The following DNAJC8 variants were observed in gnomAD, a reference collection of about 807,000 sequenced individuals.
DNAJC8 encodes the protein dnaJ homolog subfamily C member 8.
Under a neutral mutation model 43.2 loss-of-function variants are expected in DNAJC8, and 24 were observed. The ratio of observed to expected loss-of-function variants is 0.56; its 90% CI spans 0.40 to 0.78. The LOEUF (loss-of-function observed/expected upper bound fraction) is 0.78. Ranked by LOEUF, DNAJC8 falls within the 30% of genes least tolerant of loss-of-function variation. The pLI is 0.00. For missense variants in DNAJC8, 207 were observed against 299.4 expected (o/e 0.69, Z 2.28); for synonymous variants, 83 against 98.0 (o/e 0.85, Z 0.90).
At chr1:28,207,654 G>A (rs1039777006) in intron 6 of DNAJC8, among the ~76,000 whole-genome samples, 24 of 150,598 alleles carry the variant, frequency 1.6e-4, no homozygotes, top group Middle Eastern at 6.8e-3. Context: ...ATGTTGGCCC[G>A]GATGGTCTCG....
chr1:28,204,562 T>C (rs551946900), intron 7 of DNAJC8, among the ~76,000 whole-genome samples: 89 of 152,162 alleles, frequency 5.8e-4, no homozygotes, highest in African/African-American at 2.1e-3. Flanking sequence ...AGAAATCATA[T>C]TTTAGAACAT....
chr1:28,227,485 G>A (rs1646944724), intron 2 of DNAJC8, among the ~76,000 whole-genome samples: 1 of 150,876 alleles, frequency 6.6e-6, no homozygotes, highest in Non-Finnish European at 1.5e-5. Flanking sequence ...CTAGCACTAT[G>A]GGAGCCCAAG....
At chr1:28,227,534 G>A (rs1646945092) in intron 2 of DNAJC8, among the ~76,000 whole-genome samples, 1 of 151,838 alleles carries the variant, frequency 6.6e-6, no homozygotes, top group Admixed American at 6.6e-5. Flanking sequence ...CAAGGGTGCA[G>A]TAAGCCATGA....
At chr1:28,231,634 G>C (rs1646975610) in intron 1 of DNAJC8, among the ~76,000 whole-genome samples, 1 of 151,798 alleles carries the variant, frequency 6.6e-6, no homozygotes, top group African/African-American at 2.4e-5. Context: ...AGAATCACTT[G>C]AACCAGGGAG....
At chr1:28,213,198 C>T (rs12402284) in intron 3 of DNAJC8, among the ~76,000 whole-genome samples, 28,860 of 152,094 alleles carry the variant, frequency 0.19, 3,202 homozygotes, top group Non-Finnish European at 0.25. Context: ...CTCCAATATG[C>T]ACACTCTTAA....
intron 4 of DNAJC8, 186 bp downstream of exon 4, chr1:28,210,385 A>G (rs1557707226): frequency 5.1e-6 from 3 of 588,844 alleles, no homozygotes; most frequent in East Asian, 2.8e-5. Context: ...TTAACAAAGC[A>G]AAGTTAAGGT....
chr1:28,202,429 G>A (rs1057020447), intron 8 of DNAJC8, among the ~76,000 whole-genome samples: 5 of 151,552 alleles, frequency 3.3e-5, no homozygotes, highest in African/African-American at 9.7e-5. Flanking sequence ...AAAGGGGCCC[G>A]CCACCACGCC....
Position 28,205,360 on chromosome 1 carries a change from A to T in DNAJC8, c.472-11T>A, listed in dbSNP as rs756723769. On this transcript the variant is annotated splice_polypyrimidine_tract_variant and intron_variant, in intron 6 of 8. Coordinates refer to ENST00000263697, the MANE Select transcript of DNAJC8 (RefSeq NM_014280.3). ...TACAGCTTGTTTGAACTACAGGAAA[A>T]TCAAGAACAAAAGAAAATCAGAGTA... is the stretch of plus-strand genomic sequence containing the variant. 6.9e-6 allele frequency: 11 copies of T among 1,588,830 alleles called. No homozygotes were observed. The African/African-American group carries it at 1.2e-4, about 18-fold the overall frequency.
chr1:28,216,280 A>C (rs1646854105), intron 2 of DNAJC8, among the ~76,000 whole-genome samples: 1 of 152,194 alleles, frequency 6.6e-6, no homozygotes, highest in Non-Finnish European at 1.5e-5. Flanking sequence ...GGAGAAAGGA[A>C]CTGGGAAAGT....
chr1:28,225,490 A>G (rs1646927780), intron 2 of DNAJC8, among the ~76,000 whole-genome samples: 1 of 151,298 alleles, frequency 6.6e-6, no homozygotes, highest in South Asian at 2.1e-4. Context: ...CATTCCACTT[A>G]CACGGGTTTC....
In DNAJC8 at chr1:28,200,783, G is replaced by A. The variant is rs1646728699; in HGVS notation, c.*465C>T. ...TCACAAGTGTTCCCTGTCTTATCTGGGCCTTCGAAGGGAGCACACCCAGAA... is the reference window on the plus strand; with the variant it reads ...TCACAAGTGTTCCCTGTCTTATCTGAGCCTTCGAAGGGAGCACACCCAGAA... On this transcript the variant is annotated 3_prime_UTR_variant, in exon 9 of 9. Transcript: ENST00000263697. 2.5e-6 allele frequency: 1 copy of A among 406,930 alleles called. No homozygotes were observed. The highest frequency in any genetic ancestry group is 4.9e-6 in the Non-Finnish European group (1 of 205,016). The allele number at this position is 406,930 out of a possible 1,614,324, so 25.2% of individuals were successfully genotyped here. A position where few individuals can be genotyped will look rare whatever the true frequency, so the allele number is the denominator to read the frequency against.
intron 3 of DNAJC8, among the ~76,000 whole-genome samples, chr1:28,212,187 ATATATATATATATATATATATATATAT>A (rs1646817318): frequency 9.7e-6 from 1 of 102,664 alleles, no homozygotes; most frequent in Admixed American, 9.6e-5. Context: ...ATATATATAT[ATATATATATATATATATATATATATAT>A]AAATGAAATT....
At chr1:28,202,220 T>C (rs1016042847) in intron 8 of DNAJC8, among the ~76,000 whole-genome samples, 3 of 152,204 alleles carry the variant, frequency 2.0e-5, no homozygotes, top group South Asian at 2.1e-4. Flanking sequence ...ATCACAACAC[T>C]GAGGCCCCAT....
intron 2 of DNAJC8, among the ~76,000 whole-genome samples, chr1:28,225,705 A>ATT (rs199980896): frequency 0.31 from 42,564 of 137,392 alleles, 8,042 homozygotes; most frequent in African/African-American, 0.48. Flanking sequence ...TTAAATGGTA[A>ATT]TTTTTTTTTT....
At chr1:28,217,806 A>G (rs138541118) in intron 2 of DNAJC8, among the ~76,000 whole-genome samples, 3 of 152,148 alleles carry the variant, frequency 2.0e-5, no homozygotes, top group African/African-American at 4.8e-5. Context: ...TGTAATTCAT[A>G]AACCCTGATT....
At position 28,225,743 on chromosome 1, in the gene DNAJC8, C is replaced by A. The variant is rs528148126; in HGVS notation, c.180+3179G>T. ...TTTTTGAGACAGTCTCGTTCTGTCGCCCAGGCTGGAGTACAGTAGCACAAT... is the reference window on the plus strand; with the variant it reads ...TTTTTGAGACAGTCTCGTTCTGTCGACCAGGCTGGAGTACAGTAGCACAAT... On this transcript the variant is annotated intron_variant, in intron 2 of 8. Coordinates refer to ENST00000263697, the MANE Select transcript of DNAJC8 (RefSeq NM_014280.3). Among the ~76,000 whole-genome samples the A allele has an allele frequency of 1.2e-3, 174 of 146,830 alleles. 2 individuals are homozygous for A. The highest frequency in any genetic ancestry group is 4.1e-3 in the African/African-American group (161 of 39,450).
At chr1:28,220,127 AAGG>A (rs1646889108) in intron 2 of DNAJC8, among the ~76,000 whole-genome samples, 1 of 152,246 alleles carries the variant, frequency 6.6e-6, no homozygotes, top group South Asian at 2.1e-4. Context: ...ATTGGGCAAA[AAGG>A]AGGAGAGTAT....
intron 2 of DNAJC8, among the ~76,000 whole-genome samples, chr1:28,220,180 T>C (rs940888216): frequency 6.6e-6 from 1 of 152,226 alleles, no homozygotes; most frequent in Non-Finnish European, 1.5e-5. Flanking sequence ...CTCCAAAAGT[T>C]ATTTTTCCAA....
rs1018790881 is a variant in DNAJC8 at position 28,200,719 on chromosome 1, T to C, written c.*529A>G. 2.2e-6 allele frequency: 1 copy of C among 454,086 alleles called. No homozygotes were observed. The allele number at this position is 454,086 out of a possible 1,614,324, so 28.1% of individuals were successfully genotyped here. On this transcript the variant is annotated 3_prime_UTR_variant, in exon 9 of 9. Transcript: ENST00000263697. ...GATTGGTCAGTAGACAGGGGGCACA[T>C]GCCAAACACCACAGGGCATCAGATG...
Sources: gnomAD v4.1 joint callset for allele counts (sites outside exome capture counted in the v4.1 genomes callset) on GRCh38, gnomAD v4.1.1 for gene constraint, MANE v1.5 for transcripts, NCBI Gene and HGNC (gene_info 2026-07-23, HGNC 2026-07-21) for gene names.